Variants in MYL4 observed in about 807,000 individuals in gnomAD.
MYL4 encodes the protein myosin light chain 4.
Under a neutral mutation model 21.6 loss-of-function variants are expected in MYL4, and 16 were observed. The ratio of observed to expected loss-of-function variants is 0.74; its 90% CI spans 0.50 to 1.12. MYL4 has a LOEUF of 1.12. Ranked by LOEUF, MYL4 falls within the 50% of genes most tolerant of loss-of-function variation. The pLI, the probability that MYL4 is intolerant of heterozygous loss-of-function variation, is 0.00. For synonymous variants in MYL4, 82 were observed against 95.7 expected (o/e 0.86, Z 0.83); for missense variants, 249 against 252.9 (o/e 0.98, Z 0.11).
intron 3 of MYL4, 66 bp from the exon 4 acceptor site, chr17:47,221,616 T>G: frequency 1.3e-6 from 2 of 1,546,614 alleles, no homozygotes; most frequent in Non-Finnish European, 1.7e-6. Context: ...GGCCCCCTCT[T>G]GACCCTCTGC....
In MYL4 at chr17:47,212,540, A is replaced by C. The variant is rs576529374; in HGVS notation, c.136-1259A>C. ...AGAGTGCCTAAGAGTGTGTCAGAAGACAAAATTAGAAGGCATTTTAGTTTA... is the reference window on the plus strand; with the variant it reads ...AGAGTGCCTAAGAGTGTGTCAGAAGCCAAAATTAGAAGGCATTTTAGTTTA... On this transcript the variant is annotated intron_variant, in intron 1 of 6. Transcript: ENST00000393450. Among the ~76,000 whole-genome samples the C allele has an allele frequency of 4.0e-4, 61 of 152,344 alleles. 1 individual carries two copies. Among genetic ancestry groups the C allele is most frequent in the African/African-American group, 1.4e-3 (60 of 41,576 alleles).
intron 2 of MYL4, among the ~76,000 whole-genome samples, chr17:47,216,018 A>G (rs536872297): frequency 5.3e-5 from 8 of 151,570 alleles, no homozygotes; most frequent in Non-Finnish European, 7.4e-5. Context: ...GCCTCAAGCA[A>G]TCCTCCCACC....
At chr17:47,200,795 T>G (rs1160095974) in intron 1 of MYL4, among the ~76,000 whole-genome samples, 1 of 152,106 alleles carries the variant, frequency 6.6e-6, no homozygotes, top group African/African-American at 2.4e-5. Flanking sequence ...CTTCAACCAT[T>G]TAAACAATTG....
chr17:47,218,314 A>C (rs1598658043), intron 2 of MYL4, among the ~76,000 whole-genome samples: 1 of 152,244 alleles, frequency 6.6e-6, no homozygotes, highest in Non-Finnish European at 1.5e-5. Context: ...GCCTCGAAGG[A>C]AAGAAGTACT....
chr17:47,215,970 G>A (rs574540636), intron 2 of MYL4, among the ~76,000 whole-genome samples: 6 of 152,002 alleles, frequency 3.9e-5, no homozygotes, highest in Non-Finnish European at 1.5e-5. Context: ...TAGAGATGGG[G>A]GTCTCGCTAT....
the MYL4 span, among the ~76,000 whole-genome samples, chr17:47,192,021 G>C: frequency 2.6e-5 from 4 of 152,130 alleles, no homozygotes; most frequent in African/African-American, 9.7e-5. Flanking sequence ...TATAGGCTTA[G>C]AATTTGCCTA....
chr17:47,212,670 A>G (rs1033034386), intron 1 of MYL4, among the ~76,000 whole-genome samples: 2 of 152,280 alleles, frequency 1.3e-5, no homozygotes, highest in Non-Finnish European at 2.9e-5. Context: ...AGCAGAAATG[A>G]GAGCAAAATG....
At chr17:47,222,871 C>A in intron 5 of MYL4, 143 bp from the exon 6 acceptor site, 1 of 1,016,180 alleles carries the variant, frequency 9.8e-7, no homozygotes, top group Non-Finnish European at 1.5e-6. Flanking sequence ...TCCCCACCAA[C>A]CCCCAAATAA....
rs139511701 is a variant in MYL4, at chr17:47,215,101, T to C, written c.163+1275T>C. Among the ~76,000 whole-genome samples the C allele has an allele frequency of 2.6e-4, 40 of 152,346 alleles. 1 individual carries two copies. The East Asian group carries it at 3.5e-3, about 13-fold the overall frequency. On this transcript the variant is annotated intron_variant, in intron 2 of 6. Coordinates refer to ENST00000393450, the MANE Select transcript of MYL4 (RefSeq NM_002476.2). ...GCTCTCCAAAAAAGTGACACCAGTT[T>C]ACCCACAAATGGAGCATGAGAGCTG... is the stretch of plus-strand genomic sequence containing the variant.
At chr17:47,212,084 G>A (rs1213782047) in intron 1 of MYL4, among the ~76,000 whole-genome samples, 1 of 152,130 alleles carries the variant, frequency 6.6e-6, no homozygotes, top group Non-Finnish European at 1.5e-5. Context: ...AATTAGCTGG[G>A]CGTTATGGCG....
intron 1 of MYL4, among the ~76,000 whole-genome samples, chr17:47,212,717 G>A (rs953293960): frequency 2.0e-5 from 3 of 152,228 alleles, no homozygotes; most frequent in Non-Finnish European, 4.4e-5. Flanking sequence ...TCTTGTAAAG[G>A]TTAAAGCAGA....
At chr17:47,205,420 A>G (rs1484455216), upstream of MYL4, among the ~76,000 whole-genome samples, 3 of 152,192 alleles carry the variant, frequency 2.0e-5, no homozygotes, top group Non-Finnish European at 4.4e-5. Context: ...GATTGGTAAG[A>G]TTTGAAGGTG....
chr17:47,192,019 T>C, the MYL4 span, among the ~76,000 whole-genome samples: 2 of 152,200 alleles, frequency 1.3e-5, no homozygotes, highest in African/African-American at 4.8e-5. Context: ...CTTATAGGCT[T>C]AGAATTTGCC....
chr17:47,216,699 CT>C (rs923998966), intron 2 of MYL4, among the ~76,000 whole-genome samples: 44 of 145,720 alleles, frequency 3.0e-4, no homozygotes, highest in Admixed American at 2.7e-4. Flanking sequence ...CTTTTTCTTT[CT>C]TTTTTTTTTT....
chr17:47,203,456 ATTACT>A (rs992753550), intron 1 of MYL4, among the ~76,000 whole-genome samples: 3 of 151,786 alleles, frequency 2.0e-5, no homozygotes, highest in Non-Finnish European at 4.4e-5. Context: ...TATTTTGGTG[ATTACT>A]TTTTCATACA....
chr17:47,209,318 T>G, upstream of MYL4: 1 of 1,496,744 alleles, frequency 6.7e-7, no homozygotes, highest in Non-Finnish European at 9.2e-7. Flanking sequence ...CTGCCCAGGA[T>G]AAAAGGGAAG....
intron 1 of MYL4, among the ~76,000 whole-genome samples, chr17:47,201,320 CT>C (rs905419369): frequency 1.3e-5 from 2 of 151,414 alleles, no homozygotes; most frequent in South Asian, 4.2e-4. Flanking sequence ...TGATTCATTG[CT>C]TTTTTTTTCC....
chr17:47,213,189 A>T (rs947385393), intron 1 of MYL4, among the ~76,000 whole-genome samples: 7 of 152,140 alleles, frequency 4.6e-5, no homozygotes, highest in African/African-American at 1.7e-4. Context: ...GAGGCATTAC[A>T]ATAGGCAGTC....
chr17:47,211,192 C>T (rs1339645318), intron 1 of MYL4, among the ~76,000 whole-genome samples: 2 of 152,096 alleles, frequency 1.3e-5, no homozygotes, highest in African/African-American at 4.8e-5. Context: ...TTATGAGAGA[C>T]ATTTTCCCTA....
Sources: gnomAD v4.1 joint callset for allele counts (sites outside exome capture counted in the v4.1 genomes callset) on GRCh38, gnomAD v4.1.1 for gene constraint, MANE v1.5 for transcripts, NCBI Gene and HGNC (gene_info 2026-07-23, HGNC 2026-07-21) for gene names.